The following UNC13D variants were observed in gnomAD, a reference collection of about 807,000 sequenced individuals.
UNC13D encodes the protein protein unc-13 homolog D.
UNC13D carries 115 observed loss-of-function variants against 151.7 expected under a neutral mutation model. The ratio of observed to expected loss-of-function variants is 0.76; its 90% CI spans 0.65 to 0.88. The LOEUF (loss-of-function observed/expected upper bound fraction) is 0.88. UNC13D is among the 40% of genes least tolerant of loss of function. UNC13D has a pLI of 0.00. For synonymous variants in UNC13D, 588 were observed against 612.2 expected (o/e 0.96, Z 0.58); for missense variants, 1,369 against 1,438.7 (o/e 0.95, Z 0.78).
chr17:75,830,052 G>A lies in UNC13D; in HGVS notation c.2930C>T (p.Pro977Leu), dbSNP rs1312303490. 1 of 1,577,836 alleles carries A rather than the reference G, an allele frequency of 6.3e-7. No homozygotes were observed. Among genetic ancestry groups the A allele is most frequent in the Non-Finnish European group, 8.6e-7 (1 of 1,161,586 alleles). Residue 977 changes from proline (P) to leucine (L), a missense_variant, in exon 30 of 32, where the codon CCA becomes CTA. Physicochemically the swap from Pro to Leu is moderately conservative, Grantham distance 98. Coordinates refer to ENST00000207549, the MANE Select transcript of UNC13D (RefSeq NM_199242.3). Reference protein sequence around the residue: ...ETQKHKKDLHPLFDETFEFLV... With the variant: ...ETQKHKKDLHLLFDETFEFLV... Reference sequence around the variant, plus strand: ...CAATTCAAAGGTCTCATCAAACAATGGGTGAAGGTCCTTCTTGTGCTTCTG... The same window carrying A: ...CAATTCAAAGGTCTCATCAAACAATAGGTGAAGGTCCTTCTTGTGCTTCTG...
Position 75,833,418 on chromosome 17 carries a change from CCT to C in UNC13D, c.2368-375_2368-374del, listed in dbSNP as rs2064885917. 2 of 246,246 alleles carry C rather than the reference CCT, an allele frequency of 8.1e-6. No homozygotes were observed. Among genetic ancestry groups the C allele is most frequent in the South Asian group, 5.6e-5 (1 of 17,710 alleles). The allele number at this position is 246,246 out of a possible 1,614,324, so 15.3% of individuals were successfully genotyped here. The stretch of plus-strand genomic sequence containing the variant: ...CCTGGCCACCATCTAAAAATACAAC[CCT>C]CTGACACTTCTCAGCCGCTTCTCTG... On this transcript the variant is annotated intron_variant, in intron 24 of 31. Transcript: ENST00000207549. This position sits in a 1 kb window ranked among gnomAD's most constrained non-coding sequence, Gnocchi z 4.0.
chr17:75,835,839 C>T lies in UNC13D; in HGVS notation c.1596+16G>A, dbSNP rs554753744. The T allele has an allele frequency of 4.2e-5, 67 of 1,614,022 alleles. 1 individual carries two copies. The highest frequency in any genetic ancestry group is 1.5e-4 in the African/African-American group (11 of 75,044). On this transcript the variant is annotated intron_variant, in intron 18 of 31. Transcript: ENST00000207549. The stretch of plus-strand genomic sequence containing the variant: ...TCTGTTGGAGGGCATGCCCTAGAGA[C>T]GGGGGAGGGACTCACCAGCCACTGC...
rs1052488032 is a variant in UNC13D at position 75,827,640 on chromosome 17, A to G, written c.*325T>C. On this transcript the variant is annotated 3_prime_UTR_variant, in exon 32 of 32. Coordinates refer to ENST00000207549, the MANE Select transcript of UNC13D (RefSeq NM_199242.3). Reference sequence around the variant, plus strand: ...AGGAGGCAGATGGGCCAGGGCCAGGAGACAGATGGCCCAATCCCCTGCCCA... The same window carrying G: ...AGGAGGCAGATGGGCCAGGGCCAGGGGACAGATGGCCCAATCCCCTGCCCA... 2.6e-6 allele frequency: 4 copies of G among 1,535,132 alleles called. No homozygotes were observed. In the African/African-American group the frequency reaches 5.5e-5, roughly 21 times the overall value.
chr17:75,829,903 T>C (rs1157198693), intron 30 of UNC13D, 125 bp downstream of exon 30: 1 of 1,448,580 alleles, frequency 6.9e-7, no homozygotes, highest in Non-Finnish European at 9.4e-7. Context: ...AGATGCCCCA[T>C]CCCTTGGGCC....
rs767940092 is a variant in UNC13D at position 75,834,342 on chromosome 17, G to A, written c.2281C>T (p.Arg761Cys). The stretch of plus-strand genomic sequence containing the variant: ...CAAGGTACCTGCTCGGCCAGGGTGC[G>A]GACGCCAGTGCGGATCTCATGGCCC... ...GLGHEIRTGV[R>C]TLAEQLEVGI... The change falls in exon 23 of 32, where the codon CGC becomes TGC. Residue 761 changes from arginine to cysteine, a missense_variant. Around this residue, in one of 3 missense-constraint regions of UNC13D, gnomAD observed 807 missense variants for 795.5 expected, o/e 1.01. Coordinates refer to ENST00000207549, the MANE Select transcript of UNC13D (RefSeq NM_199242.3). 1.2e-5 allele frequency: 19 copies of A among 1,594,622 alleles called. No individual in the cohort carries two copies. The highest frequency in any genetic ancestry group is 1.6e-5 in the Non-Finnish European group (19 of 1,178,906).
chr17:75,830,171 T>G lies in UNC13D; in HGVS notation c.2831-20A>C. ...TGGAGCCTGGTAAGTGGCCGGGGAGTGTGCGTCAGCTGAGGGTCTCCCAGG... is the reference window on the plus strand; with the variant it reads ...TGGAGCCTGGTAAGTGGCCGGGGAGGGTGCGTCAGCTGAGGGTCTCCCAGG... On this transcript the variant is annotated intron_variant, in intron 29 of 31. Coordinates refer to ENST00000207549, the MANE Select transcript of UNC13D (RefSeq NM_199242.3). 1.3e-6 allele frequency: 2 copies of G among 1,583,038 alleles called. No individual in the cohort carries two copies. The highest frequency in any genetic ancestry group is 1.7e-6 in the Non-Finnish European group (2 of 1,165,472).
In UNC13D at chr17:75,835,483, C is replaced by A; in HGVS notation, c.1774G>T (p.Ala592Ser). ...LDNFHRWFQPAIPSWLQKTYN... is the reference protein window; with the variant it reads ...LDNFHRWFQPSIPSWLQKTYN... ...GTCTTCTGCAGCCAGGAGGGGATGGCCGGCTGGAACCAGCGGTGGAAATTA... is the reference window on the plus strand; with the variant it reads ...GTCTTCTGCAGCCAGGAGGGGATGGACGGCTGGAACCAGCGGTGGAAATTA... The change falls in exon 20 of 32, where the codon GCC becomes TCC. Residue 592 changes from alanine (A) to serine (S), a missense_variant. Around this residue, in one of 3 missense-constraint regions of UNC13D, gnomAD observed 807 missense variants for 795.5 expected, o/e 1.01. Transcript: ENST00000207549. 6.2e-7 allele frequency: 1 copy of A among 1,611,696 alleles called. No homozygotes were observed. Among genetic ancestry groups the A allele is most frequent in the Non-Finnish European group, 8.5e-7 (1 of 1,179,116 alleles).
chr17:75,828,481 T>C (rs912928991), intron 31 of UNC13D, among the ~76,000 whole-genome samples: 3 of 152,210 alleles, frequency 2.0e-5, no homozygotes, highest in Non-Finnish European at 4.4e-5. Flanking sequence ...TCATAATAAG[T>C]GCACAAGCAT....
chr17:75,830,768 G>A (rs1599403871), intron 27 of UNC13D, 107 bp from the exon 28 acceptor site: 1 of 1,352,468 alleles, frequency 7.4e-7, no homozygotes. Flanking sequence ...GTTTGAAATG[G>A]AAAGTATTGG....
At position 75,840,344 on chromosome 17, in the gene UNC13D, T is replaced by G; in HGVS notation, c.754-15A>C. On this transcript the variant is annotated splice_polypyrimidine_tract_variant and intron_variant, in intron 9 of 31. Transcript: ENST00000207549. This position sits in a 1 kb window ranked among gnomAD's most constrained non-coding sequence, Gnocchi z 4.6. ...CAGCGCAGGTCCTGACAGGCGGGGA[T>G]GCCCAGCCCGTGAGCGTCAGAACCT... 2 of 1,612,674 alleles carry G rather than the reference T, an allele frequency of 1.2e-6. No homozygotes were observed. Among genetic ancestry groups the G allele is most frequent in the Non-Finnish European group, 1.7e-6 (2 of 1,179,562 alleles).
rs1567815312 is a variant in UNC13D, at chr17:75,827,606, A to G, written c.*359T>C. On this transcript the variant is annotated 3_prime_UTR_variant, in exon 32 of 32. Coordinates refer to ENST00000207549, the MANE Select transcript of UNC13D (RefSeq NM_199242.3). ...TGGCCCCCACCCCAGTGGCTGGAAC[A>G]GGAAGGCCAGGAGGCAGATGGGCCA... 1.3e-6 allele frequency: 2 copies of G among 1,532,118 alleles called. No homozygotes were observed. 94.9% of individuals were successfully genotyped at this position (1,532,118 alleles called of 1,614,324 possible).
intron 12 of UNC13D, among the ~76,000 whole-genome samples, chr17:75,838,469 T>C (rs2064924430): frequency 6.6e-6 from 1 of 151,968 alleles, no homozygotes; most frequent in Non-Finnish European, 1.5e-5. Context: ...TCTGCCTGTC[T>C]CGGCCTCCCA....
rs773136667 is a variant in UNC13D, at chr17:75,840,233, G to A, written c.850C>T (p.His284Tyr). ...GQCHLQFQLI[H>Y]KRRATSASRS... ...CCCAGTACCCGACCTACCCGCTTAT[G>A]GATGAGTTGGAACTGGAGGTGGCAC... is the stretch of plus-strand genomic sequence containing the variant. The change falls in exon 10 of 32, where the codon CAT (histidine) becomes TAT (tyrosine). Residue 284 changes from histidine to tyrosine, a missense_variant. This residue lies in a region of UNC13D where 550 missense variants were observed against 609.0 expected (regional missense o/e 0.90). Transcript: ENST00000207549. The surrounding 1 kb of genome is among the most constrained non-coding windows in gnomAD (Gnocchi z 4.6). 1 of 1,614,008 alleles carries A rather than the reference G, an allele frequency of 6.2e-7. No homozygotes were observed. The highest frequency in any genetic ancestry group is 8.5e-7 in the Non-Finnish European group (1 of 1,180,014).
At position 75,832,851 on chromosome 17, in the gene UNC13D, G is replaced by A. The variant is rs2064881240; in HGVS notation, c.2447+115C>T. ...GAGGAGAGGGGGAGGTGGCGAGCGC[G>A]CCCAGGGCAGGGGCTGCTACACCCC... On this transcript the variant is annotated intron_variant, in intron 25 of 31. Transcript: ENST00000207549. The surrounding 1 kb of genome is among the most constrained non-coding windows in gnomAD (Gnocchi z 4.3). 2.0e-6 allele frequency: 2 copies of A among 1,024,200 alleles called. No homozygotes were observed. Among genetic ancestry groups the A allele is most frequent in the South Asian group, 1.4e-5 (1 of 70,416 alleles). The allele number at this position is 1,024,200 out of a possible 1,614,324, so 63.4% of individuals were successfully genotyped here.
Position 75,828,937 on chromosome 17 carries a change from G to T in UNC13D, c.3001C>A (p.Leu1001Ile). Residue 1001 changes from leucine to isoleucine, a missense_variant, in exon 31 of 32, where the codon CTC becomes ATC. Physicochemically the swap from Leu to Ile is conservative, Grantham distance 5 (BLOSUM62 2). Transcript: ENST00000207549. ...PCRKAGACLL[L>I]TVLDYDTLGA... ...AGCGTGTCGTAGTCCAGCACGGTGA[G>T]CAGGAGGCATGCCCCAGCCTTGCGG... is the stretch of plus-strand genomic sequence containing the variant. The T allele has an allele frequency of 6.2e-7, 1 of 1,606,434 alleles. No individual in the cohort carries two copies.
Position 75,840,921 on chromosome 17 carries a change from C to G in UNC13D, c.614+36G>C. ...CCGCCTCTCTCACCCCAGATCCCTT[C>G]CCTTCCCATCCCTAGGGGCAGGCCA... On this transcript the variant is annotated intron_variant, in intron 7 of 31. Coordinates refer to ENST00000207549, the MANE Select transcript of UNC13D (RefSeq NM_199242.3). The surrounding 1 kb of genome is among the most constrained non-coding windows in gnomAD (Gnocchi z 4.6). The G allele has an allele frequency of 6.2e-7, 1 of 1,614,106 alleles. No homozygotes were observed. The highest frequency in any genetic ancestry group is 8.5e-7 in the Non-Finnish European group (1 of 1,180,026).
At chr17:75,831,376 A>G in intron 25 of UNC13D, 28 bp from the exon 26 acceptor site, 1 of 1,594,438 alleles carries the variant, frequency 6.3e-7, no homozygotes, top group Non-Finnish European at 8.5e-7. Context: ...GGATGCGGAC[A>G]CAGCACGGCA....
intron 23 of UNC13D, 48 bp downstream of exon 23, chr17:75,834,277 G>A (rs781561109): frequency 6.9e-6 from 11 of 1,585,042 alleles, no homozygotes; most frequent in Non-Finnish European, 8.5e-6. Context: ...GAGCCAGGTA[G>A]GCTGAAGACG....
Position 75,833,362 on chromosome 17 carries a change from C to T in UNC13D, c.2368-317G>A, listed in dbSNP as rs2064885614. 7.5e-6 allele frequency: 2 copies of T among 265,004 alleles called. No homozygotes were observed. Among genetic ancestry groups the T allele is most frequent in the South Asian group, 5.4e-5 (1 of 18,478 alleles). 16.4% of individuals were successfully genotyped at this position (265,004 alleles called of 1,614,324 possible). ...TCTCATGCCTCCTCCCCTTGCTTCC[C>T]GTAGGTCTTCGCTCAGTTGTCACGG... On this transcript the variant is annotated intron_variant, in intron 24 of 31. Transcript: ENST00000207549. The surrounding 1 kb of genome is among the most constrained non-coding windows in gnomAD (Gnocchi z 4.0).
Sources: allele counts gnomAD v4.1 joint callset (sites outside exome capture counted in the v4.1 genomes callset), GRCh38; gene constraint gnomAD v4.1.1; regional missense constraint gnomAD v4.1.1; non-coding constraint Gnocchi (gnomAD v3.1); transcripts MANE v1.5; gene names NCBI Gene and HGNC (gene_info 2026-07-23, HGNC 2026-07-21).